Variants in TSN observed in about 807,000 individuals in gnomAD.
TSN encodes translin, also known as component 3 of promoter of RISC.
Under a neutral mutation model 29.4 loss-of-function variants are expected in TSN, and 5 were observed. The observed-to-expected ratio is 0.17, with a 90% CI of 0.09 to 0.36. The LOEUF is 0.36. TSN is among the 10% of genes least tolerant of loss of function. The pLI, the probability that TSN is intolerant of heterozygous loss-of-function variation, is 1.00. For synonymous variants in TSN, 106 were observed against 102.2 expected, an observed-to-expected ratio of 1.04 and a Z score of -0.23; for missense variants, 159 against 272.8, an observed-to-expected ratio of 0.58 and a Z score of 2.94.
intron 2 of TSN, 59 bp downstream of exon 2, chr2:121,757,392 C>G: frequency 6.2e-7 from 1 of 1,609,206 alleles, no homozygotes; most frequent in Non-Finnish European, 8.5e-7. Context: ...GAGTTTCTAT[C>G]CAGAAGACAT....
rs1313805726 is a variant in TSN at position 121,755,744 on chromosome 2, C to G, written c.-36C>G. On this transcript the variant is annotated 5_prime_UTR_variant, in exon 1 of 6. Transcript: ENST00000389682. ...TGCGGCGTCCACTTCCTTGGCCGCC[C>G]TTGCTACACTGGCTGATTGTTGTGC... 4 of 1,611,654 alleles carry G rather than the reference C, an allele frequency of 2.5e-6. No individual in the cohort carries two copies. Among genetic ancestry groups the G allele is most frequent in the Admixed American group, 1.7e-5 (1 of 60,020 alleles).
At chr2:121,758,650 A>G in intron 2 of TSN, 60 bp from the exon 3 acceptor site, 1 of 1,250,900 alleles carries the variant, frequency 8.0e-7, no homozygotes, top group South Asian at 1.8e-5. Context: ...TTAGATTATT[A>G]AGCAAGAACT....
chr2:121,757,461 AT>A, intron 2 of TSN, 128 bp downstream of exon 2: 1 of 1,534,850 alleles, frequency 6.5e-7, no homozygotes, highest in Non-Finnish European at 8.8e-7. Context: ...GAAGTAGGTG[AT>A]TTGATAATTT....
intron 3 of TSN, among the ~76,000 whole-genome samples, chr2:121,759,790 G>A (rs60198632): frequency 0.15 from 23,479 of 152,082 alleles, 2,921 homozygotes; most frequent in African/African-American, 0.34. Context: ...CAGGGGGTGG[G>A]TAGTATAACC....
In TSN at chr2:121,765,340, G is replaced by A. The variant is rs140361809; in HGVS notation, c.660G>A (p.Glu220=). The A allele has an allele frequency of 1.2e-4, 187 of 1,614,230 alleles. No homozygotes were observed. The highest frequency in any genetic ancestry group is 1.4e-4 in the Non-Finnish European group (170 of 1,180,032). Residue 220 remains glutamate (E), a synonymous_variant, in exon 6 of 6, where the codon GAG becomes GAA. Transcript: ENST00000389682. ...YDLSIRGFNK[E]TAAACVEK is the part of the protein sequence containing the mutation. ...TCTCCATCCGGGGCTTTAATAAGGA[G>A]ACGGCAGCAGCTTGTGTTGAAAAAT...
intron 1 of TSN, chr2:121,756,256 A>T (rs917270894): frequency 8.1e-6 from 2 of 246,644 alleles, no homozygotes; most frequent in East Asian, 2.2e-4. Flanking sequence ...TGTGGCTCAC[A>T]TGGTTTCTCT....
At chr2:121,760,068 G>A (rs1050446341) in intron 3 of TSN, among the ~76,000 whole-genome samples, 4 of 152,218 alleles carry the variant, frequency 2.6e-5, no homozygotes, top group African/African-American at 9.6e-5. Context: ...TTAGGAACTG[G>A]GATGCACAGA....
At chr2:121,758,646 T>A (rs1240167698) in intron 2 of TSN, 64 bp from the exon 3 acceptor site, 1 of 1,218,380 alleles carries the variant, frequency 8.2e-7, no homozygotes, top group Non-Finnish European at 1.1e-6. Flanking sequence ...TTACTTAGAT[T>A]ATTAAGCAAG....
rs2074917043 is a variant in TSN at position 121,767,424 on chromosome 2, C to T, written c.*2057C>T. On this transcript the variant is annotated 3_prime_UTR_variant, in exon 6 of 6. Transcript: ENST00000389682. ...TACACTAACCAAAAGACACCAGCCA[C>T]TCAGAGTTCTATACTGTAAAGCGCA... 6.6e-6 allele frequency: 1 copy of T among 152,114 alleles called. No homozygotes were observed. The highest frequency in any genetic ancestry group is 6.6e-5 in the Admixed American group (1 of 15,258). The allele number at this position is 152,114 out of a possible 1,614,324, so 9.4% of individuals were successfully genotyped here. A position where few individuals can be genotyped will look rare whatever the true frequency, so the allele number is the denominator to read the frequency against.
intron 4 of TSN, 102 bp downstream of exon 4, chr2:121,761,626 A>T (rs2106455166): frequency 1.2e-6 from 1 of 853,650 alleles, no homozygotes; most frequent in East Asian, 2.5e-5. Flanking sequence ...ACAAGAATTA[A>T]CTAAAAACCA....
chr2:121,762,869 G>A (rs2074850548), intron 4 of TSN, 136 bp from the exon 5 acceptor site: 2 of 736,644 alleles, frequency 2.7e-6, no homozygotes, highest in East Asian at 6.1e-5. Context: ...TGCCAAGGTT[G>A]TGAATATATT....
At chr2:121,762,950 A>G in intron 4 of TSN, 55 bp from the exon 5 acceptor site, 1 of 1,470,696 alleles carries the variant, frequency 6.8e-7, no homozygotes, top group Non-Finnish European at 9.3e-7. Context: ...ATATTTTTAT[A>G]TTCTGAGGCT....
chr2:121,757,482 TTTC>T (rs2074767156), intron 2 of TSN, 149 bp downstream of exon 2: 1 of 1,439,404 alleles, frequency 6.9e-7, no homozygotes, highest in African/African-American at 1.4e-5. Flanking sequence ...TTGGTTGATT[TTTC>T]TTCCACTTCC....
At position 121,766,646 on chromosome 2, in the gene TSN, ACT is replaced by A. The variant is rs1035013362; in HGVS notation, c.*1282_*1283del. Reference sequence around the variant, plus strand: ...TAGTACTAAGAGTATGTGCCAGGAAACTCTTGCTATTGAATTGAGATGATTAA... The same window carrying A: ...TAGTACTAAGAGTATGTGCCAGGAAACTTGCTATTGAATTGAGATGATTAA... On this transcript the variant is annotated 3_prime_UTR_variant, in exon 6 of 6. Coordinates refer to ENST00000389682, the MANE Select transcript of TSN (RefSeq NM_004622.3). The A allele has an allele frequency of 6.6e-6, 1 of 151,790 alleles. No homozygotes were observed. The highest frequency in any genetic ancestry group is 2.4e-5 in the African/African-American group (1 of 41,262). 9.4% of individuals were successfully genotyped at this position (151,790 alleles called of 1,614,324 possible).
rs1453759981 is a variant in TSN at position 121,767,580 on chromosome 2, G to A, written c.*2213G>A. The A allele has an allele frequency of 1.3e-5, 2 of 152,200 alleles. No individual in the cohort carries two copies. Among genetic ancestry groups the A allele is most frequent in the East Asian group, 3.9e-4 (2 of 5,166 alleles). The allele number at this position is 152,200 out of a possible 1,614,324, so 9.4% of individuals were successfully genotyped here. A position where few individuals can be genotyped will look rare whatever the true frequency, so the allele number is the denominator to read the frequency against. On this transcript the variant is annotated 3_prime_UTR_variant, in exon 6 of 6. Coordinates refer to ENST00000389682, the MANE Select transcript of TSN (RefSeq NM_004622.3). Reference sequence around the variant, plus strand: ...CAATTTTAGAAAATCAAGCAGGTTAGAGAAAATAGAGATGAATTAGGGGAC... The same window carrying A: ...CAATTTTAGAAAATCAAGCAGGTTAAAGAAAATAGAGATGAATTAGGGGAC...
At chr2:121,756,490 T>A (rs905759652) in intron 1 of TSN, 3 of 390,706 alleles carry the variant, frequency 7.7e-6, no homozygotes, top group African/African-American at 6.7e-5. Context: ...TAATATTGAT[T>A]ATTTTAAAAA....
chr2:121,762,026 C>T (rs182626917), intron 4 of TSN, among the ~76,000 whole-genome samples: 70 of 146,968 alleles, frequency 4.8e-4, no homozygotes, highest in African/African-American at 1.7e-3. Flanking sequence ...GAGTTTTGCT[C>T]TTGTTGCCCA....
intron 5 of TSN, among the ~76,000 whole-genome samples, chr2:121,763,485 CT>C (rs200596864): frequency 6.6e-6 from 1 of 152,114 alleles, no homozygotes; most frequent in Non-Finnish European, 1.5e-5. Context: ...TTCAGAACGT[CT>C]TAATTCTTTT....
chr2:121,765,955 G>A lies in TSN; in HGVS notation c.*588G>A, dbSNP rs112047689. On this transcript the variant is annotated 3_prime_UTR_variant, in exon 6 of 6. Coordinates refer to ENST00000389682, the MANE Select transcript of TSN (RefSeq NM_004622.3). The stretch of plus-strand genomic sequence containing the variant: ...ATCAAACTGTAAAAGATTAAACTGC[G>A]AAGTCAAGCTCAACAGATTATTTTG... 5,640 of 152,616 alleles carry A rather than the reference G, an allele frequency of 0.037. 207 individuals are homozygous for A. Among genetic ancestry groups the A allele is most frequent in the African/African-American group, 0.089 (3,690 of 41,562 alleles). 9.5% of individuals were successfully genotyped at this position (152,616 alleles called of 1,614,324 possible). A position where few individuals can be genotyped will look rare whatever the true frequency, so the allele number is the denominator to read the frequency against.
Sources: gnomAD v4.1 joint callset for allele counts (sites outside exome capture counted in the v4.1 genomes callset) on GRCh38, gnomAD v4.1.1 for gene constraint, MANE v1.5 for transcripts, NCBI Gene and HGNC (gene_info 2026-07-23, HGNC 2026-07-21) for gene names.